LANCL3: variants seen among roughly 807,000 people sequenced by gnomAD.
LANCL3 encodes the protein lanC-like protein 3.
A neutral mutation model predicts 26.5 loss-of-function variants in LANCL3; 19 were observed. The observed-to-expected ratio is 0.72, with a 90% CI of 0.50 to 1.05. The LOEUF (loss-of-function observed/expected upper bound fraction) is 1.05. Among genes scored for constraint, LANCL3 ranks in the 50% least tolerant of loss-of-function variants. LANCL3 has a pLI of 0.00. For missense variants in LANCL3, 318 were observed against 362.7 expected (o/e 0.88, Z 1.00); for synonymous variants, 160 against 166.6 (o/e 0.96, Z 0.30).
chrX:37,626,670 C>T (rs1216693916), intron 1 of LANCL3, among the ~76,000 whole-genome samples: 1 of 111,432 alleles, frequency 9.0e-6, no homozygotes, highest in East Asian at 2.8e-4. Context: ...TTCCTGAAGA[C>T]TTCAAGATAG....
chrX:37,648,731 C>T (rs928412161), intron 1 of LANCL3, among the ~76,000 whole-genome samples: 2 of 111,847 alleles, frequency 1.8e-5, no homozygotes, highest in African/African-American at 3.2e-5. Flanking sequence ...GGTCTAATAT[C>T]CAGAATTTAC....
At position 37,628,926 on chromosome X, in the gene LANCL3, A is replaced by G. The variant is rs1409843119; in HGVS notation, c.574-26762A>G. 8.1e-5 allele frequency among the ~76,000 whole-genome samples: 9 copies of G among 110,929 alleles called. No homozygotes were observed. The East Asian group carries it at 2.5e-3, about 31-fold the overall frequency. On this transcript the variant is annotated intron_variant, in intron 1 of 4. Coordinates refer to ENST00000378619, the MANE Select transcript of LANCL3 (RefSeq NM_001170331.2). ...TAAACATACGTGTGCATGTGTCGTT[A>G]TAGCAGCATGATTTATAGTCCTTTG... is the stretch of plus-strand genomic sequence containing the variant.
intron 1 of LANCL3, among the ~76,000 whole-genome samples, chrX:37,622,393 C>CTT (rs35587679): frequency 3.0e-5 from 3 of 101,339 alleles, no homozygotes; most frequent in Non-Finnish European, 6.0e-5. Flanking sequence ...CTATCAAATA[C>CTT]TTTTTTTTTT....
rs782147791 is a variant in LANCL3, at chrX:37,582,050, C to A, written c.573+9607C>A. 2.3e-4 allele frequency among the ~76,000 whole-genome samples: 26 copies of A among 111,123 alleles called. No individual in the cohort carries two copies. The South Asian group carries it at 0.01, about 43-fold the overall frequency. ...TACGGTGTTTGGTTTTCTGTCCTTG[C>A]GATAGTTTGCTGAGAATGATGGTTT... On this transcript the variant is annotated intron_variant, in intron 1 of 4. Coordinates refer to ENST00000378619, the MANE Select transcript of LANCL3 (RefSeq NM_001170331.2).
At chrX:37,573,990 T>A (rs1556416072) in intron 1 of LANCL3, among the ~76,000 whole-genome samples, 3 of 104,629 alleles carry the variant, frequency 2.9e-5, no homozygotes, top group African/African-American at 1.1e-4. Context: ...TTTTTTTTTT[T>A]TACTAATCGA....
At chrX:37,664,382 T>C (rs1234320382) in intron 3 of LANCL3, among the ~76,000 whole-genome samples, 1 of 111,947 alleles carries the variant, frequency 8.9e-6, no homozygotes. Flanking sequence ...TTTTAAAAGC[T>C]TAACACCTGC....
intron 1 of LANCL3, among the ~76,000 whole-genome samples, chrX:37,610,581 G>C (rs1924839541): frequency 9.0e-6 from 1 of 111,731 alleles, no homozygotes; most frequent in Non-Finnish European, 1.9e-5. Flanking sequence ...TAGATAGAAT[G>C]CTTGGCCCTT....
At chrX:37,659,908 GTATAA>G (rs782421592) in intron 3 of LANCL3, among the ~76,000 whole-genome samples, 80 of 111,361 alleles carry the variant, frequency 7.2e-4, no homozygotes, top group Non-Finnish European at 1.4e-3. Flanking sequence ...TCCAATAGAA[GTATAA>G]TATGAGCCAC....
chrX:37,624,528 T>G (rs188741819), intron 1 of LANCL3, among the ~76,000 whole-genome samples: 1 of 111,958 alleles, frequency 8.9e-6, no homozygotes, highest in Non-Finnish European at 1.9e-5. Context: ...ATTACTTTTT[T>G]GATGTTTAAA....
intron 2 of LANCL3, among the ~76,000 whole-genome samples, chrX:37,657,174 C>A (rs1357687041): frequency 2.7e-5 from 3 of 112,620 alleles, no homozygotes; most frequent in African/African-American, 9.7e-5. Context: ...GGTATTAATT[C>A]CCTAGCAATT....
intron 1 of LANCL3, among the ~76,000 whole-genome samples, chrX:37,575,970 A>G (rs1183222135): frequency 6.2e-5 from 7 of 112,253 alleles, no homozygotes; most frequent in African/African-American, 2.3e-4. Context: ...AATTGATTGA[A>G]TTTTTAAAAT....
intron 1 of LANCL3, among the ~76,000 whole-genome samples, chrX:37,587,342 A>C (rs782158626): frequency 5.3e-5 from 6 of 112,812 alleles, no homozygotes; most frequent in Non-Finnish European, 9.4e-5. Context: ...GGGACATTTA[A>C]GTCTGCAGGG....
intron 1 of LANCL3, among the ~76,000 whole-genome samples, chrX:37,585,746 A>G (rs1247162228): frequency 9.0e-6 from 1 of 111,566 alleles, no homozygotes; most frequent in African/African-American, 3.3e-5. Flanking sequence ...TTGACTCTGT[A>G]TCCAATTTGC....
intron 1 of LANCL3, among the ~76,000 whole-genome samples, chrX:37,633,016 G>T (rs1192344035): frequency 9.0e-6 from 1 of 111,612 alleles, no homozygotes; most frequent in Admixed American, 9.5e-5. Flanking sequence ...GCTAGATTGG[G>T]GAAGTTCTCC....
At chrX:37,646,444 T>A (rs782139786) in intron 1 of LANCL3, among the ~76,000 whole-genome samples, 1 of 112,555 alleles carries the variant, frequency 8.9e-6, no homozygotes, top group Non-Finnish European at 1.9e-5. Flanking sequence ...GCCTGGCTCT[T>A]TCTTGTAACC....
At chrX:37,581,580 C>T (rs1228741486) in intron 1 of LANCL3, among the ~76,000 whole-genome samples, 1 of 111,588 alleles carries the variant, frequency 9.0e-6, no homozygotes, top group African/African-American at 3.3e-5. Context: ...ACTGATTTTA[C>T]CTGTTTGACG....
At chrX:37,644,183 C>CT (rs1191592079) in intron 1 of LANCL3, among the ~76,000 whole-genome samples, 1 of 111,229 alleles carries the variant, frequency 9.0e-6, no homozygotes, top group Non-Finnish European at 1.9e-5. Context: ...TAGTACAGTG[C>CT]TACTCAAGAG....
intron 1 of LANCL3, among the ~76,000 whole-genome samples, chrX:37,611,004 G>A (rs1556421087): frequency 2.7e-5 from 3 of 111,808 alleles, no homozygotes; most frequent in Non-Finnish European, 5.6e-5. Context: ...GTGATAATAA[G>A]CAGGTTATCC....
In LANCL3 at chrX:37,679,565, G is replaced by A. The variant is rs782201527; in HGVS notation, c.*3752G>A. On this transcript the variant is annotated 3_prime_UTR_variant, in exon 5 of 5. Coordinates refer to ENST00000378619, the MANE Select transcript of LANCL3 (RefSeq NM_001170331.2). Reference sequence around the variant, plus strand: ...GAGAGAAAATGAACTGGAAAATAAAGTAATTCTGGGGTGAGTTTGATCTGC... The same window carrying A: ...GAGAGAAAATGAACTGGAAAATAAAATAATTCTGGGGTGAGTTTGATCTGC... 1 of 111,858 alleles carries A rather than the reference G, an allele frequency of 8.9e-6. No individual in the cohort carries two copies. The highest frequency in any genetic ancestry group is 2.8e-4 in the East Asian group (1 of 3,580). 9.2% of individuals were successfully genotyped at this position (111,858 alleles called of 1,213,427 possible).
Sources: gnomAD v4.1 joint callset for allele counts (sites outside exome capture counted in the v4.1 genomes callset) on GRCh38, gnomAD v4.1.1 for gene constraint, MANE v1.5 for transcripts, NCBI Gene and HGNC (gene_info 2026-07-23, HGNC 2026-07-21) for gene names.